PTPRG: variants seen among roughly 807,000 people sequenced by gnomAD.
PTPRG encodes the protein receptor-type tyrosine-protein phosphatase gamma.
In PTPRG, 102 loss-of-function variants were observed where a neutral mutation model predicts 165.3. The observed-to-expected ratio is 0.62, with a 90% confidence interval of 0.53 to 0.73. PTPRG has a LOEUF of 0.73. PTPRG is among the 30% of genes least tolerant of loss of function. PTPRG has a pLI of 0.00. For missense variants in PTPRG, 1,866 were observed against 1,861.4 expected (o/e 1.00, Z -0.05); for synonymous variants, 675 against 669.5 (o/e 1.01, Z -0.13).
chr3:62,087,337 C>T (rs1701786041), intron 5 of PTPRG, among the ~76,000 whole-genome samples: 1 of 152,152 alleles, frequency 6.6e-6, no homozygotes, highest in South Asian at 2.1e-4. Flanking sequence ...GATGCTTTAG[C>T]TGATTAGATT....
intron 4 of PTPRG, among the ~76,000 whole-genome samples, chr3:62,021,849 T>A (rs1337567457): frequency 6.9e-6 from 1 of 145,610 alleles, no homozygotes; most frequent in Admixed American, 7.0e-5. Context: ...ATAGGTCTTT[T>A]TCCTTTTCTT....
At chr3:62,141,639 C>T (rs999112626) in intron 6 of PTPRG, among the ~76,000 whole-genome samples, 3 of 151,684 alleles carry the variant, frequency 2.0e-5, no homozygotes, top group Non-Finnish European at 4.4e-5. Flanking sequence ...GTGGCTCACG[C>T]CTGTAACCCC....
At chr3:61,789,210 C>G (rs1327373615) in intron 2 of PTPRG, among the ~76,000 whole-genome samples, 1 of 152,108 alleles carries the variant, frequency 6.6e-6, no homozygotes, top group Non-Finnish European at 1.5e-5. Context: ...GGTGATCCTC[C>G]CATCTCAACC....
chr3:61,642,020 G>A (rs1219483303), intron 1 of PTPRG, among the ~76,000 whole-genome samples: 3 of 152,174 alleles, frequency 2.0e-5, no homozygotes, highest in Non-Finnish European at 2.9e-5. Flanking sequence ...ACCTGGTGCC[G>A]TTGCCCGCAA....
At chr3:61,972,653 C>T (rs866308213) in intron 2 of PTPRG, among the ~76,000 whole-genome samples, 50 of 136,040 alleles carry the variant, frequency 3.7e-4, no homozygotes, top group African/African-American at 1.2e-3. Flanking sequence ...CTTTTTTTTT[C>T]TTTTCTTTTT....
intron 5 of PTPRG, among the ~76,000 whole-genome samples, chr3:62,119,020 G>A (rs892391197): frequency 3.3e-5 from 5 of 152,140 alleles, no homozygotes; most frequent in Non-Finnish European, 7.3e-5. Flanking sequence ...GCTCTGTATT[G>A]GCACTAAGAT....
At chr3:61,649,004 A>G (rs1702276773) in intron 1 of PTPRG, among the ~76,000 whole-genome samples, 1 of 152,224 alleles carries the variant, frequency 6.6e-6, no homozygotes, top group Non-Finnish European at 1.5e-5. Context: ...AAGAACAGTC[A>G]TATGTGAGTT....
chr3:62,128,309 G>C (rs1255358241), intron 5 of PTPRG, among the ~76,000 whole-genome samples: 3 of 152,162 alleles, frequency 2.0e-5, no homozygotes, highest in African/African-American at 7.2e-5. Flanking sequence ...TAACTCCTTT[G>C]ATCTTAAAGT....
At chr3:61,961,947 A>T (rs993528273) in intron 2 of PTPRG, among the ~76,000 whole-genome samples, 1 of 152,182 alleles carries the variant, frequency 6.6e-6, no homozygotes, top group African/African-American at 2.4e-5. Flanking sequence ...TGCACTCCCC[A>T]GTTACAGTTC....
Position 61,914,958 on chromosome 3 carries a change from C to T in PTPRG, c.191-74667C>T, listed in dbSNP as rs1025081019. On this transcript the variant is annotated intron_variant, in intron 2 of 29. Transcript: ENST00000474889. ...ACATAATAATTAAGTGGGCTGGGTG[C>T]GGTGACTCACGCCTATAATCCCAGC... 2.8e-4 allele frequency among the ~76,000 whole-genome samples: 42 copies of T among 152,172 alleles called. 1 individual carries two copies. Among genetic ancestry groups the T allele is most frequent in the African/African-American group, 8.4e-4 (35 of 41,446 alleles).
At chr3:61,597,026 G>T (rs570737752) in intron 1 of PTPRG, among the ~76,000 whole-genome samples, 1 of 152,236 alleles carries the variant, frequency 6.6e-6, no homozygotes, top group Non-Finnish European at 1.5e-5. Context: ...CGTGTGGTGA[G>T]GGTCTTCTCG....
chr3:61,936,182 C>A (rs1018562481), intron 2 of PTPRG, among the ~76,000 whole-genome samples: 1 of 152,206 alleles, frequency 6.6e-6, no homozygotes, highest in South Asian at 2.1e-4. Flanking sequence ...GACGTCCCAT[C>A]TTCTAGGACC....
intron 13 of PTPRG, among the ~76,000 whole-genome samples, chr3:62,221,581 G>C (rs1395125975): frequency 3.9e-5 from 6 of 152,196 alleles, no homozygotes; most frequent in Non-Finnish European, 8.8e-5. Flanking sequence ...CAGTTTTTTA[G>C]CTAGAACAAC....
intron 2 of PTPRG, among the ~76,000 whole-genome samples, chr3:61,864,823 A>T (rs1283731519): frequency 6.6e-6 from 1 of 152,130 alleles, no homozygotes; most frequent in Non-Finnish European, 1.5e-5. Context: ...TCTCCTCGTA[A>T]TGTGTGGTAT....
intron 29 of PTPRG, among the ~76,000 whole-genome samples, 180 bp from the exon 30 acceptor site, chr3:62,292,981 G>GTA (rs1424348388): frequency 6.6e-6 from 1 of 152,074 alleles, no homozygotes; most frequent in Admixed American, 6.6e-5. Flanking sequence ...CATGAAGAAG[G>GTA]TATAGGTCTT....
At chr3:61,984,434 A>T (rs965116636) in intron 2 of PTPRG, among the ~76,000 whole-genome samples, 7 of 152,304 alleles carry the variant, frequency 4.6e-5, no homozygotes, top group Middle Eastern at 3.4e-3. Flanking sequence ...AGAATATGAC[A>T]GTCATCCCAG....
At chr3:62,201,475 T>C in intron 10 of PTPRG, 30 bp from the exon 11 acceptor site, 1 of 1,572,000 alleles carries the variant, frequency 6.4e-7, no homozygotes, top group Non-Finnish European at 8.7e-7. Context: ...AAAAGTTATA[T>C]TGCTTAAATG....
At chr3:62,039,803 C>A (rs1700067761) in intron 4 of PTPRG, among the ~76,000 whole-genome samples, 1 of 149,874 alleles carries the variant, frequency 6.7e-6, no homozygotes, top group South Asian at 2.1e-4. Context: ...ACACTTGGCG[C>A]CTTTGCTTTG....
chr3:61,597,098 C>A (rs1700720544), intron 1 of PTPRG, among the ~76,000 whole-genome samples: 1 of 152,006 alleles, frequency 6.6e-6, no homozygotes, highest in Admixed American at 6.6e-5. Context: ...CAAACTAGTC[C>A]TTTTATAAGG....
Sources: gnomAD v4.1 joint callset for allele counts (sites outside exome capture counted in the v4.1 genomes callset) on GRCh38, gnomAD v4.1.1 for gene constraint, MANE v1.5 for transcripts, NCBI Gene and HGNC (gene_info 2026-07-23, HGNC 2026-07-21) for gene names.